The following SLCO5A1 variants were observed in gnomAD, a reference collection of about 807,000 sequenced individuals.
SLCO5A1 encodes solute carrier organic anion transporter family member 5A1.
Under a neutral mutation model 65.1 loss-of-function variants are expected in SLCO5A1, and 39 were observed. That is an observed-to-expected ratio of 0.60 (90% CI 0.46 to 0.78). The LOEUF (loss-of-function observed/expected upper bound fraction) is 0.78, where lower values mean the gene tolerates loss of function less well. Among genes scored for constraint, SLCO5A1 ranks in the 30% least tolerant of loss-of-function variants. The pLI is 0.00. For missense variants in SLCO5A1, 1,029 were observed against 1,069.4 expected (o/e 0.96, Z 0.53); for synonymous variants, 438 against 415.7 (o/e 1.05, Z -0.65).
intron 2 of SLCO5A1, among the ~76,000 whole-genome samples, chr8:69,827,595 T>C (rs1235672858): frequency 1.3e-5 from 2 of 152,228 alleles, no homozygotes; most frequent in Non-Finnish European, 2.9e-5. Flanking sequence ...ATTACTAACC[T>C]ACTACCTGAT....
intron 5 of SLCO5A1, among the ~76,000 whole-genome samples, chr8:69,707,129 T>G (rs1386949461): frequency 1.3e-5 from 2 of 152,140 alleles, no homozygotes; most frequent in African/African-American, 4.8e-5. Flanking sequence ...TCCAGCCTGG[T>G]TGACAGAGTG....
chr8:69,749,877 G>A lies in SLCO5A1; in HGVS notation c.1258+5547C>T, dbSNP rs140167793. Reference sequence around the variant, plus strand: ...ACTAAAGGCAGGATGGAGGTAAGAAGCCTTGAAGGAGAGGTCAGAGATTTT... The same window carrying A: ...ACTAAAGGCAGGATGGAGGTAAGAAACCTTGAAGGAGAGGTCAGAGATTTT... On this transcript the variant is annotated intron_variant, in intron 4 of 9. Transcript: ENST00000260126. Among the ~76,000 whole-genome samples, 528 of 152,280 alleles carry A rather than the reference G, an allele frequency of 3.5e-3. 3 individuals carry two copies. Among genetic ancestry groups the A allele is most frequent in the African/African-American group, 0.012 (492 of 41,560 alleles).
At chr8:69,729,639 T>C (rs1413524818) in intron 5 of SLCO5A1, among the ~76,000 whole-genome samples, 1 of 152,074 alleles carries the variant, frequency 6.6e-6, no homozygotes, top group Non-Finnish European at 1.5e-5. Context: ...TTGGGGGAAC[T>C]GGCCAAACAA....
At chr8:69,693,609 C>T (rs1814368333) in intron 6 of SLCO5A1, among the ~76,000 whole-genome samples, 2 of 152,196 alleles carry the variant, frequency 1.3e-5, no homozygotes, top group South Asian at 4.1e-4. Flanking sequence ...CTAGCTCAGC[C>T]ATTTTCTAGC....
At chr8:69,757,072 T>C (rs914272929) in intron 3 of SLCO5A1, among the ~76,000 whole-genome samples, 1 of 152,264 alleles carries the variant, frequency 6.6e-6, no homozygotes, top group Non-Finnish European at 1.5e-5. Flanking sequence ...TTTTTTAAAA[T>C]AATGTTTCTA....
intron 5 of SLCO5A1, among the ~76,000 whole-genome samples, chr8:69,729,238 A>C (rs1816226040): frequency 6.6e-6 from 1 of 152,024 alleles, no homozygotes; most frequent in Non-Finnish European, 1.5e-5. Context: ...AGGTCAGGAG[A>C]TGGAGACCAT....
At chr8:69,804,711 T>A (rs1442275920) in intron 2 of SLCO5A1, among the ~76,000 whole-genome samples, 2 of 152,176 alleles carry the variant, frequency 1.3e-5, no homozygotes, top group African/African-American at 4.8e-5. Context: ...AAAGGGAAGG[T>A]GATTGGTAAT....
chr8:69,761,923 A>G (rs1817794727), intron 2 of SLCO5A1, 48 bp from the exon 3 acceptor site: 4 of 1,598,284 alleles, frequency 2.5e-6, no homozygotes, highest in East Asian at 2.2e-5. Context: ...GTTTTATTAC[A>G]TGTTAGGAGT....
chr8:69,805,212 G>T (rs1038763760), intron 2 of SLCO5A1, among the ~76,000 whole-genome samples: 8 of 152,034 alleles, frequency 5.3e-5, no homozygotes, highest in African/African-American at 1.9e-4. Context: ...TAGCCTACTG[G>T]ACATTTTTAA....
At chr8:69,675,016 G>A (rs1282447894) in intron 9 of SLCO5A1, among the ~76,000 whole-genome samples, 2 of 150,356 alleles carry the variant, frequency 1.3e-5, no homozygotes, top group Non-Finnish European at 1.5e-5. Flanking sequence ...CTCCAGCCTG[G>A]GCAACAGAGC....
In SLCO5A1 at chr8:69,672,763, G is replaced by T; in HGVS notation, c.*106C>A. 2 of 1,232,180 alleles carry T rather than the reference G, an allele frequency of 1.6e-6. No individual in the cohort carries two copies. Among genetic ancestry groups the T allele is most frequent in the Non-Finnish European group, 2.2e-6 (2 of 907,614 alleles). The allele number at this position is 1,232,180 out of a possible 1,614,324, so 76.3% of individuals were successfully genotyped here. On this transcript the variant is annotated 3_prime_UTR_variant, in exon 10 of 10. Coordinates refer to ENST00000260126, the MANE Select transcript of SLCO5A1 (RefSeq NM_030958.3). The stretch of plus-strand genomic sequence containing the variant: ...TGAGTTTTGTTGGTTTGAGGATTGT[G>T]TCTGTAGAGGTTAAAAAAAAGAAAG...
At chr8:69,822,390 G>C (rs1820685443) in intron 2 of SLCO5A1, among the ~76,000 whole-genome samples, 1 of 152,148 alleles carries the variant, frequency 6.6e-6, no homozygotes, top group Non-Finnish European at 1.5e-5. Flanking sequence ...CATGGAGAAA[G>C]TTCTCATGAT....
At chr8:69,716,068 A>G (rs1460069363) in intron 5 of SLCO5A1, among the ~76,000 whole-genome samples, 1 of 152,132 alleles carries the variant, frequency 6.6e-6, no homozygotes, top group African/African-American at 2.4e-5. Flanking sequence ...TTTCATATAA[A>G]TGGAGTCATA....
At chr8:69,718,103 C>T (rs1389099966) in intron 5 of SLCO5A1, among the ~76,000 whole-genome samples, 1 of 152,132 alleles carries the variant, frequency 6.6e-6, no homozygotes, top group Non-Finnish European at 1.5e-5. Flanking sequence ...ATAAGTTTTA[C>T]ATTTCTTTTG....
In SLCO5A1 at chr8:69,722,776, GGT is replaced by G. The variant is rs56353428; in HGVS notation, c.1423+15262_1423+15263del. Among the ~76,000 whole-genome samples the G allele has an allele frequency of 7.1e-3, 1,051 of 147,924 alleles. 9 individuals are homozygous for G. Among genetic ancestry groups the G allele is most frequent in the South Asian group, 0.014 (63 of 4,636 alleles). ...TGATGAGATTTGTTAACACATGCATGGTGTGTGTGTGTGTGTGTGTGTGTGTG... is the reference window on the plus strand; with the variant it reads ...TGATGAGATTTGTTAACACATGCATGGTGTGTGTGTGTGTGTGTGTGTGTG... On this transcript the variant is annotated intron_variant, in intron 5 of 9. Coordinates refer to ENST00000260126, the MANE Select transcript of SLCO5A1 (RefSeq NM_030958.3).
Position 69,670,228 on chromosome 8 carries a change from G to T in SLCO5A1, c.*2641C>A, listed in dbSNP as rs1813291007. ...AAGTAATTTGAAGCCTAAGCTCATG[G>T]AGAGTCTTCATTAAAACTTCTAATA... On this transcript the variant is annotated 3_prime_UTR_variant, in exon 10 of 10. Coordinates refer to ENST00000260126, the MANE Select transcript of SLCO5A1 (RefSeq NM_030958.3). 6.6e-6 allele frequency: 1 copy of T among 152,310 alleles called. No individual in the cohort carries two copies. The highest frequency in any genetic ancestry group is 6.5e-5 in the Admixed American group (1 of 15,300). 9.4% of individuals were successfully genotyped at this position (152,310 alleles called of 1,614,324 possible). A position where few individuals can be genotyped will look rare whatever the true frequency, so the allele number is the denominator to read the frequency against.
At position 69,741,267 on chromosome 8, in the gene SLCO5A1, A is replaced by G. The variant is rs116488042; in HGVS notation, c.1259-3063T>C. Reference sequence around the variant, plus strand: ...CATGTTAGATAAGCTTCCTTCAGGCATGAGTTACAGTGCAATTGACCATAA... The same window carrying G: ...CATGTTAGATAAGCTTCCTTCAGGCGTGAGTTACAGTGCAATTGACCATAA... On this transcript the variant is annotated intron_variant, in intron 4 of 9. Transcript: ENST00000260126. Among the ~76,000 whole-genome samples, 264 of 152,354 alleles carry G rather than the reference A, an allele frequency of 1.7e-3. 1 individual carries two copies. The highest frequency in any genetic ancestry group is 5.5e-3 in the African/African-American group (230 of 41,586).
At chr8:69,771,010 G>C (rs1326456625) in intron 2 of SLCO5A1, among the ~76,000 whole-genome samples, 3 of 152,018 alleles carry the variant, frequency 2.0e-5, no homozygotes, top group Non-Finnish European at 4.4e-5. Flanking sequence ...TTTAGATGGA[G>C]TTACACTCTT....
chr8:69,672,012 G>A lies in SLCO5A1; in HGVS notation c.*857C>T, dbSNP rs997657988. 2.6e-5 allele frequency: 4 copies of A among 152,190 alleles called. No homozygotes were observed. The highest frequency in any genetic ancestry group is 9.7e-5 in the African/African-American group (4 of 41,440). 9.4% of individuals were successfully genotyped at this position (152,190 alleles called of 1,614,324 possible). On this transcript the variant is annotated 3_prime_UTR_variant, in exon 10 of 10. Transcript: ENST00000260126. The stretch of plus-strand genomic sequence containing the variant: ...GAAAATTTCTGCAACAATTTTCTTG[G>A]ATGAGAAAGCTGTCATTTTCTTTCC...
Sources: gnomAD v4.1 joint callset for allele counts (sites outside exome capture counted in the v4.1 genomes callset) on GRCh38, gnomAD v4.1.1 for gene constraint, MANE v1.5 for transcripts, NCBI Gene and HGNC (gene_info 2026-07-23, HGNC 2026-07-21) for gene names.